The following EPB41 variants were observed in gnomAD, a reference collection of about 807,000 sequenced individuals.
EPB41 encodes the protein erythrocyte membrane protein band 4.1, also known as protein 4.1.
Under a neutral mutation model 108.0 loss-of-function variants are expected in EPB41, and 65 were observed. The observed-to-expected ratio is 0.60, with a 90% CI of 0.49 to 0.74. The LOEUF (loss-of-function observed/expected upper bound fraction) is 0.74. Ranked by LOEUF, EPB41 falls within the 30% of genes least tolerant of loss-of-function variation. The pLI is 0.00. For synonymous variants in EPB41, 336 were observed against 358.9 expected, an observed-to-expected ratio of 0.94 and a Z score of 0.72; for missense variants, 875 against 1,037.0, an observed-to-expected ratio of 0.84 and a Z score of 2.15.
At chr1:28,909,744 C>T (rs182001798), upstream of EPB41, among the ~76,000 whole-genome samples, 8 of 151,826 alleles carry the variant, frequency 5.3e-5, no homozygotes, top group South Asian at 2.1e-4. Context: ...CTGCTGTGAG[C>T]CATGATTGTG....
At chr1:29,078,443 A>G (rs915148046) in intron 16 of EPB41, among the ~76,000 whole-genome samples, 6 of 152,144 alleles carry the variant, frequency 3.9e-5, no homozygotes, top group African/African-American at 1.4e-4. Flanking sequence ...TTAAGCAGTC[A>G]GGGTACACCT....
intron 1 of EPB41, among the ~76,000 whole-genome samples, 176 bp downstream of exon 1, chr1:28,914,944 C>T (rs1178887227): frequency 6.6e-6 from 1 of 151,602 alleles, no homozygotes; most frequent in Non-Finnish European, 1.5e-5. Flanking sequence ...CACGCCGAGT[C>T]GCCAGCCGGG....
intron 10 of EPB41, 136 bp downstream of exon 10, chr1:29,036,059 C>CA (rs1250631970): frequency 8.6e-5 from 58 of 672,790 alleles, no homozygotes; most frequent in Non-Finnish European, 2.3e-5. Flanking sequence ...TTAAGCAAGA[C>CA]AAAATGAATC....
At chr1:28,890,600 T>C (rs1474379123) in intron 1 of EPB41, among the ~76,000 whole-genome samples, 1 of 152,246 alleles carries the variant, frequency 6.6e-6, no homozygotes, top group Non-Finnish European at 1.5e-5. Flanking sequence ...AGTCCTGTTC[T>C]TGGCCCGTGT....
At chr1:28,902,116 G>A (rs2091377799) in intron 1 of EPB41, 1 of 947,924 alleles carries the variant, frequency 1.1e-6, no homozygotes, top group South Asian at 4.9e-5. Flanking sequence ...GTTCTCTCTG[G>A]ATCTAGGAAT....
intron 9 of EPB41, among the ~76,000 whole-genome samples, chr1:29,034,825 A>G (rs1346843924): frequency 6.6e-6 from 1 of 152,142 alleles, no homozygotes; most frequent in African/African-American, 2.4e-5. Context: ...ATAACAATGT[A>G]TTGTTCTCTT....
intron 7 of EPB41, among the ~76,000 whole-genome samples, chr1:29,025,893 A>T (rs1283541850): frequency 6.6e-6 from 1 of 150,538 alleles, no homozygotes; most frequent in Non-Finnish European, 1.5e-5. Context: ...GTGGATGAGG[A>T]TGGTAGTCAT....
At chr1:28,931,722 G>C (rs2093758485) in intron 1 of EPB41, among the ~76,000 whole-genome samples, 1 of 151,620 alleles carries the variant, frequency 6.6e-6, no homozygotes, top group African/African-American at 2.4e-5. Context: ...TGTTGGTAGA[G>C]ACAGGGTTTC....
Position 28,900,621 on chromosome 1 carries a change from C to A in EPB41, c.-8+13411C>A, listed in dbSNP as rs575976351. On this transcript the variant is annotated intron_variant, in intron 1 of 16. Transcript: ENST00000347529. ...TACTTCTCTTCTCTTGGTCTCATGC[C>A]TTTGTTTGTAAAATGGTGAGAATAG... Among the ~76,000 whole-genome samples the A allele has an allele frequency of 2.0e-5, 3 of 152,072 alleles. No homozygotes were observed. The South Asian group carries it at 6.2e-4, about 32-fold the overall frequency.
intron 17 of EPB41, among the ~76,000 whole-genome samples, chr1:29,103,387 G>A (rs1172564077): frequency 1.3e-5 from 2 of 152,180 alleles, no homozygotes; most frequent in African/African-American, 4.8e-5. Flanking sequence ...TCTTGACAGA[G>A]CCCGTGGGCT....
At chr1:29,005,962 T>C (rs2096392077) in intron 4 of EPB41, among the ~76,000 whole-genome samples, 1 of 152,238 alleles carries the variant, frequency 6.6e-6, no homozygotes, top group African/African-American at 2.4e-5. Flanking sequence ...AGTGTTAATA[T>C]ATTTAATTCT....
chr1:28,994,637 A>T (rs559492503), intron 3 of EPB41, among the ~76,000 whole-genome samples: 18 of 108,394 alleles, frequency 1.7e-4, no homozygotes, highest in African/African-American at 4.9e-4. Context: ...AAACTATTTT[A>T]TTTATTTATT....
At chr1:29,076,930 G>A (rs1196079995) in intron 16 of EPB41, among the ~76,000 whole-genome samples, 1 of 152,006 alleles carries the variant, frequency 6.6e-6, no homozygotes, top group Non-Finnish European at 1.5e-5. Context: ...AATAAAAATA[G>A]GCCTTGATTT....
chr1:29,060,049 G>A (rs1646239877), intron 14 of EPB41, among the ~76,000 whole-genome samples: 1 of 152,030 alleles, frequency 6.6e-6, no homozygotes, highest in African/African-American at 2.4e-5. Context: ...TGTTTTTAAA[G>A]CATTTCTTCA....
chr1:29,096,360 C>G (rs1259651586), intron 16 of EPB41: 1 of 985,830 alleles, frequency 1.0e-6, no homozygotes, highest in Non-Finnish European at 1.2e-6. Flanking sequence ...GAGGGGGCAG[C>G]TGGCTATCTT....
chr1:28,986,315 G>A (rs1243817906), intron 1 of EPB41, among the ~76,000 whole-genome samples: 2 of 152,170 alleles, frequency 1.3e-5, no homozygotes, highest in African/African-American at 4.8e-5. Context: ...CGACTTCATT[G>A]CCCAGTGTTT....
At chr1:29,070,581 T>C (rs2151096110) in intron 16 of EPB41, 1 of 1,232,160 alleles carries the variant, frequency 8.1e-7, no homozygotes, top group Non-Finnish European at 1.0e-6. Flanking sequence ...CTCGTGATCC[T>C]TGTGTTGGCT....
chr1:29,070,257 A>G (rs1347053665), intron 16 of EPB41: 1 of 896,456 alleles, frequency 1.1e-6, no homozygotes, highest in Non-Finnish European at 1.5e-6. Context: ...TGTCTAAAAG[A>G]TACTTCCAAA....
chr1:29,106,168 G>A (rs1667084981), intron 17 of EPB41, among the ~76,000 whole-genome samples: 1 of 152,160 alleles, frequency 6.6e-6, no homozygotes. Context: ...AGGAAAACAG[G>A]CCCTGTATGG....
Sources: allele counts gnomAD v4.1 joint callset (sites outside exome capture counted in the v4.1 genomes callset), GRCh38; gene constraint gnomAD v4.1.1; transcripts MANE v1.5; gene names NCBI Gene and HGNC (gene_info 2026-07-23, HGNC 2026-07-21).